CTNNA3: variants seen among roughly 807,000 people sequenced by gnomAD.
CTNNA3 encodes catenin alpha-3.
In CTNNA3, 76 loss-of-function variants were observed where a neutral mutation model predicts 95.7. That is an observed-to-expected ratio of 0.79 (90% confidence interval 0.66 to 0.96). The LOEUF (loss-of-function observed/expected upper bound fraction) is 0.96, where lower values mean the gene tolerates loss of function less well. Among genes scored for constraint, CTNNA3 ranks in the 40% least tolerant of loss-of-function variants. The pLI is 0.00. For missense variants in CTNNA3, 1,191 were observed against 1,089.8 expected, an observed-to-expected ratio of 1.09 and a Z score of -1.31; for synonymous variants, 431 against 374.4, an observed-to-expected ratio of 1.15 and a Z score of -1.74.
At chr10:66,903,079 G>C (rs113341379) in intron 7 of CTNNA3, among the ~76,000 whole-genome samples, 1,871 of 152,062 alleles carry the variant, frequency 0.012, 43 homozygotes, top group African/African-American at 0.042. Flanking sequence ...AACAAAAAAA[G>C]AGAATTTTAG....
At chr10:66,829,505 G>A (rs567206429) in intron 7 of CTNNA3, among the ~76,000 whole-genome samples, 26 of 151,668 alleles carry the variant, frequency 1.7e-4, no homozygotes, top group African/African-American at 5.8e-4. Flanking sequence ...CCCAGCTACT[G>A]TGGAGGCTGA....
intron 3 of CTNNA3, among the ~76,000 whole-genome samples, chr10:67,573,886 A>G (rs1292697228): frequency 6.6e-6 from 1 of 152,198 alleles, no homozygotes; most frequent in African/African-American, 2.4e-5. Context: ...AGTATAACTT[A>G]GTTTTAGGAA....
intron 7 of CTNNA3, among the ~76,000 whole-genome samples, chr10:66,778,913 T>A (rs1444615117): frequency 2.0e-5 from 3 of 152,014 alleles, no homozygotes; most frequent in African/African-American, 7.3e-5. Context: ...GAGGCGGAAG[T>A]TGCAGTGAGC....
chr10:66,436,272 G>A (rs2093337255), intron 11 of CTNNA3, among the ~76,000 whole-genome samples: 1 of 151,916 alleles, frequency 6.6e-6, no homozygotes, highest in Non-Finnish European at 1.5e-5. Flanking sequence ...ATGACAGTGG[G>A]GTGTAAAAGT....
chr10:66,365,646 C>T (rs1430480094), intron 12 of CTNNA3, among the ~76,000 whole-genome samples: 1 of 152,116 alleles, frequency 6.6e-6, no homozygotes, highest in East Asian at 1.9e-4. Context: ...CCAGTGATAT[C>T]TGCCTCCTGG....
intron 9 of CTNNA3, among the ~76,000 whole-genome samples, chr10:66,702,494 CAGG>C (rs1455682897): frequency 1.3e-5 from 2 of 151,864 alleles, no homozygotes; most frequent in Non-Finnish European, 2.9e-5. Context: ...CACCTGAGGT[CAGG>C]AGTTCGAGAC....
At chr10:66,365,219 G>C (rs1341637594) in intron 12 of CTNNA3, among the ~76,000 whole-genome samples, 1 of 152,140 alleles carries the variant, frequency 6.6e-6, no homozygotes, top group African/African-American at 2.4e-5. Context: ...AAAAGGATGA[G>C]TTCATGTCCT....
In CTNNA3 at chr10:66,927,104, G is replaced by T; in HGVS notation, c.1048-151580C>A. 6.2e-7 allele frequency: 1 copy of T among 1,614,104 alleles called. No homozygotes were observed. Among genetic ancestry groups the T allele is most frequent in the Non-Finnish European group, 8.5e-7 (1 of 1,180,032 alleles). ...ATACCCTCAAGTATATCTGCTGGTT[G>T]CTTAGGTTTGTCCCTTCGCTATAAC... is the stretch of plus-strand genomic sequence containing the variant. On this transcript the variant is annotated intron_variant, in intron 7 of 17. Coordinates refer to ENST00000433211, the MANE Select transcript of CTNNA3 (RefSeq NM_013266.4). This position sits in a 1 kb window ranked among gnomAD's most constrained non-coding sequence, Gnocchi z 4.7.
At chr10:66,605,461 C>G (rs1392029245) in intron 10 of CTNNA3, among the ~76,000 whole-genome samples, 1 of 151,994 alleles carries the variant, frequency 6.6e-6, no homozygotes, top group Non-Finnish European at 1.5e-5. Flanking sequence ...TGCGAAGAAC[C>G]CCAGTAAGAT....
At chr10:67,348,288 T>G (rs1842507321) in intron 5 of CTNNA3, among the ~76,000 whole-genome samples, 1 of 151,682 alleles carries the variant, frequency 6.6e-6, no homozygotes, top group Non-Finnish European at 1.5e-5. Flanking sequence ...AAAGCAAAAA[T>G]AAACAAATGA....
At chr10:67,696,935 C>T (rs975249096), upstream of CTNNA3, among the ~76,000 whole-genome samples, 2 of 152,182 alleles carry the variant, frequency 1.3e-5, no homozygotes, top group African/African-American at 4.8e-5. Context: ...GCTTCTAAAA[C>T]AAGAGGTGCT....
chr10:66,939,379 T>C (rs1377703017), intron 7 of CTNNA3, among the ~76,000 whole-genome samples: 2 of 152,122 alleles, frequency 1.3e-5, no homozygotes, highest in Non-Finnish European at 2.9e-5. Context: ...TCCATACAAC[T>C]TGGATATATG....
chr10:66,429,079 C>G (rs1198240184), intron 11 of CTNNA3, among the ~76,000 whole-genome samples: 2 of 151,856 alleles, frequency 1.3e-5, no homozygotes, highest in Non-Finnish European at 2.9e-5. Context: ...GATATCACCA[C>G]CGATCCCACA....
At chr10:66,574,388 G>A (rs1368662917) in intron 10 of CTNNA3, among the ~76,000 whole-genome samples, 3 of 151,632 alleles carry the variant, frequency 2.0e-5, no homozygotes, top group African/African-American at 7.3e-5. Context: ...TTTTTGTAAA[G>A]AAATAAAAGC....
intron 7 of CTNNA3, among the ~76,000 whole-genome samples, chr10:67,028,510 G>GACT (rs1853524532): frequency 6.6e-6 from 1 of 151,836 alleles, no homozygotes; most frequent in Non-Finnish European, 1.5e-5. Flanking sequence ...AGGAAGTAAA[G>GACT]ACTTTAGGCA....
chr10:67,512,073 A>T (rs909743184), intron 5 of CTNNA3, among the ~76,000 whole-genome samples: 2 of 152,074 alleles, frequency 1.3e-5, no homozygotes, highest in Admixed American at 1.3e-4. Flanking sequence ...GCTTCTCTAA[A>T]TAGAAATTTT....
intron 12 of CTNNA3, among the ~76,000 whole-genome samples, chr10:66,346,226 TATATATATATATATATATATAG>T (rs1441848747): frequency 9.8e-4 from 72 of 73,240 alleles, no homozygotes; most frequent in Non-Finnish European, 1.1e-3. Context: ...TATATATATA[TATATATATATATATATATATAG>T]AGAGAGAGAG....
chr10:66,689,081 T>A (rs7077450), intron 9 of CTNNA3, among the ~76,000 whole-genome samples: 27,119 of 143,594 alleles, frequency 0.19, 3,069 homozygotes, highest in East Asian at 0.35. Context: ...TGTGTGTGTA[T>A]GTGTGCACGT....
intron 7 of CTNNA3, among the ~76,000 whole-genome samples, chr10:66,994,869 A>C (rs1446004362): frequency 6.6e-6 from 1 of 152,198 alleles, no homozygotes; most frequent in African/African-American, 2.4e-5. Flanking sequence ...GCCAAATGTT[A>C]CAATATGAAA....
Sources: gnomAD v4.1 joint callset for allele counts (sites outside exome capture counted in the v4.1 genomes callset) on GRCh38, gnomAD v4.1.1 for gene constraint, Gnocchi (gnomAD v3.1) non-coding constraint, MANE v1.5 for transcripts, NCBI Gene and HGNC (gene_info 2026-07-23, HGNC 2026-07-21) for gene names.